CEP57L1: variants seen among roughly 807,000 people sequenced by gnomAD.
CEP57L1 encodes centrosomal protein 57 like 1, also known as centrosomal protein CEP57L1.
In CEP57L1, 37 loss-of-function variants were observed where a neutral mutation model predicts 61.0. That is an observed-to-expected ratio of 0.61 (90% CI 0.47 to 0.80). CEP57L1 has a LOEUF of 0.80. Ranked by LOEUF, CEP57L1 falls within the 30% of genes least tolerant of loss-of-function variation. The pLI is 0.00. For synonymous variants in CEP57L1, 137 were observed against 162.3 expected (o/e 0.84, Z 1.19); for missense variants, 422 against 524.7 (o/e 0.80, Z 1.91).
intron 2 of CEP57L1, 102 bp from the exon 3 acceptor site, chr6:109,146,656 G>T: frequency 4.2e-6 from 3 of 719,394 alleles, no homozygotes; most frequent in South Asian, 2.3e-5. Flanking sequence ...ACATTTTTCT[G>T]GCTCAGTAAC....
intron 1 of CEP57L1, among the ~76,000 whole-genome samples, chr6:109,101,689 C>T (rs954162991): frequency 4.0e-5 from 6 of 150,596 alleles, no homozygotes; most frequent in African/African-American, 1.2e-4. Flanking sequence ...GGCGCCATCT[C>T]GGCTCACTGC....
intron 1 of CEP57L1, chr6:109,129,440 TAA>T (rs1415633214): frequency 3.2e-6 from 2 of 624,178 alleles, no homozygotes; most frequent in East Asian, 1.3e-4. Flanking sequence ...AGATATTCTG[TAA>T]TTTCTTCCTC....
chr6:109,145,868 A>T (rs68138448), intron 2 of CEP57L1, among the ~76,000 whole-genome samples: 5,161 of 152,058 alleles, frequency 0.034, 163 homozygotes, highest in African/African-American at 0.075. Context: ...AAATTGAATT[A>T]GGAAAACATT....
chr6:109,152,907 G>A (rs1210949284), intron 4 of CEP57L1, among the ~76,000 whole-genome samples: 5 of 151,812 alleles, frequency 3.3e-5, no homozygotes, highest in African/African-American at 1.2e-4. Flanking sequence ...TCAGGAGTTC[G>A]AGACCAGCCT....
chr6:109,154,398 C>T (rs746423931), intron 5 of CEP57L1, among the ~76,000 whole-genome samples: 12 of 152,088 alleles, frequency 7.9e-5, no homozygotes, highest in Non-Finnish European at 1.5e-4. Flanking sequence ...GTACTGTCCT[C>T]CTATTCTGAA....
At chr6:109,150,566 G>T (rs926307648) in intron 4 of CEP57L1, among the ~76,000 whole-genome samples, 6 of 151,918 alleles carry the variant, frequency 3.9e-5, no homozygotes, top group African/African-American at 1.5e-4. Flanking sequence ...GGAGGCTGAG[G>T]CAGGAGAATC....
Position 109,169,110 on chromosome 6 carries a change from C to T in CEP57L1, c.*6140C>T, listed in dbSNP as rs1446115267. On this transcript the variant is annotated 3_prime_UTR_variant, in exon 11 of 11. Coordinates refer to ENST00000517392, the MANE Select transcript of CEP57L1 (RefSeq NM_001271852.3). ...GCATGGTGGTATGTGCCTGTAATCCCGGGTACTCGGGAGGCTAAGGCCAGA... is the reference window on the plus strand; with the variant it reads ...GCATGGTGGTATGTGCCTGTAATCCTGGGTACTCGGGAGGCTAAGGCCAGA... Among the ~76,000 whole-genome samples the T allele has an allele frequency of 2.7e-5, 4 of 150,600 alleles. No homozygotes were observed. The highest frequency in any genetic ancestry group is 2.0e-4 in the East Asian group (1 of 5,018).
rs114123964 is a variant in CEP57L1, at chr6:109,158,741, T to C, written c.745-284T>C. On this transcript the variant is annotated intron_variant, in intron 7 of 10. Transcript: ENST00000517392. ...TATGTGAGTGATTTTATTTTCTCTG[T>C]GTGCTTGCCAACATTTGTTATTGTC... The C allele has an allele frequency of 3.0e-3, 1,542 of 515,952 alleles. 23 individuals are homozygous for C. The highest frequency in any genetic ancestry group is 0.027 in the African/African-American group (1,389 of 52,030). The allele number at this position is 515,952 out of a possible 1,614,324, so 32.0% of individuals were successfully genotyped here.
chr6:109,149,915 CTGTT>C (rs1772407803), intron 3 of CEP57L1, among the ~76,000 whole-genome samples, 199 bp from the exon 4 acceptor site: 1 of 152,104 alleles, frequency 6.6e-6, no homozygotes, highest in East Asian at 1.9e-4. Context: ...ATTTGGCTCT[CTGTT>C]TGTCTGTTAT....
intron 1 of CEP57L1, among the ~76,000 whole-genome samples, chr6:109,099,619 G>A (rs1044940501): frequency 6.6e-6 from 1 of 151,800 alleles, no homozygotes; most frequent in Non-Finnish European, 1.5e-5. Flanking sequence ...GCGCTATCTC[G>A]GCTTATTGCA....
chr6:109,112,410 C>T (rs767855190), intron 1 of CEP57L1, among the ~76,000 whole-genome samples: 4 of 152,068 alleles, frequency 2.6e-5, no homozygotes, highest in African/African-American at 4.8e-5. Flanking sequence ...TGATTCTTCT[C>T]TCTTTTCTCC....
At chr6:109,134,460 T>G (rs1280427049) in intron 1 of CEP57L1, among the ~76,000 whole-genome samples, 1 of 152,198 alleles carries the variant, frequency 6.6e-6, no homozygotes, top group Non-Finnish European at 1.5e-5. Context: ...AATATCATAC[T>G]GAATGGGCAA....
Position 109,153,879 on chromosome 6 carries a change from CA to C in CEP57L1, c.513del (p.Lys171AsnfsTer8). On this transcript the variant is annotated frameshift_variant, in exon 5 of 11. Transcript: ENST00000517392. LOFTEE classifies it high-confidence loss of function. ...GAACAAGATCAGATGAAGCTGTATG[CA>C]AAACTTGAAAAGCTTGATGTCTTAG... is the stretch of plus-strand genomic sequence containing the variant. Reference protein sequence around the residue: ...EKEQDQMKLYAKLEKLDVLEK... With the variant: ...EKEQDQMKLYXKLEKLDVLEK... The C allele has an allele frequency of 6.2e-7, 1 of 1,612,388 alleles. No individual in the cohort carries two copies. Among genetic ancestry groups the C allele is most frequent in the Middle Eastern group, 1.7e-4 (1 of 6,000 alleles).
At chr6:109,106,644 C>G (rs1044809513) in intron 1 of CEP57L1, among the ~76,000 whole-genome samples, 21 of 151,962 alleles carry the variant, frequency 1.4e-4, no homozygotes, top group African/African-American at 5.1e-4. Flanking sequence ...AATTAATGTT[C>G]AAGACCAGGC....
At chr6:109,129,821 TTAATTTAA>T (rs1204844920) in intron 1 of CEP57L1, among the ~76,000 whole-genome samples, 2 of 149,048 alleles carry the variant, frequency 1.3e-5, no homozygotes, top group Non-Finnish European at 3.0e-5. Flanking sequence ...AATTTTTTTT[TTAATTTAA>T]AATTTAAAAT....
intron 9 of CEP57L1, among the ~76,000 whole-genome samples, chr6:109,160,357 G>A (rs376983238): frequency 1.2e-4 from 18 of 152,166 alleles, no homozygotes; most frequent in African/African-American, 3.1e-4. Flanking sequence ...TTGCTTAGCC[G>A]TCTTAAGATA....
At chr6:109,100,298 TTATC>T (rs1182542712) in intron 1 of CEP57L1, 1 of 152,182 alleles carries the variant, frequency 6.6e-6, no homozygotes, top group African/African-American at 2.4e-5. Context: ...TATGGCATAT[TTATC>T]TATCATTTAC....
At chr6:109,158,330 A>G (rs545275993) in intron 7 of CEP57L1, 75 of 226,170 alleles carry the variant, frequency 3.3e-4, no homozygotes, top group African/African-American at 1.7e-3. Context: ...TGTACTAAAA[A>G]TACAAAAATT....
chr6:109,145,255 A>G lies in CEP57L1; in HGVS notation c.34A>G (p.Ser12Gly), dbSNP rs767452163. 132 of 1,596,772 alleles carry G rather than the reference A, an allele frequency of 8.3e-5. No homozygotes were observed. Among genetic ancestry groups the G allele is most frequent in the Non-Finnish European group, 1.1e-4 (127 of 1,166,306 alleles). ...TGAATTAATGCATAGTATAGTAGGA[A>G]GCTATCATAAACCTCCAGAAAGAGT... ...DSELMHSIVG[S>G]YHKPPERVFV... Residue 12 changes from serine to glycine, a missense_variant, in exon 2 of 11, where the codon AGC (serine) becomes GGC (glycine). By Grantham distance (56) the Ser-to-Gly change is moderately conservative. Transcript: ENST00000517392.
Sources: gnomAD v4.1 joint callset for allele counts (sites outside exome capture counted in the v4.1 genomes callset) on GRCh38, gnomAD v4.1.1 for gene constraint, MANE v1.5 for transcripts, NCBI Gene and HGNC (gene_info 2026-07-23, HGNC 2026-07-21) for gene names.